Variants in SCFD2 observed in about 807,000 individuals in gnomAD.
The protein encoded by SCFD2 is sec1 family domain-containing protein 2.
SCFD2 carries 54 observed loss-of-function variants against 58.9 expected under a neutral mutation model. The observed-to-expected ratio is 0.92, with a 90% CI of 0.74 to 1.15. The LOEUF (loss-of-function observed/expected upper bound fraction) is 1.15. Ranked by LOEUF, SCFD2 falls within the 50% of genes most tolerant of loss-of-function variation. SCFD2 has a pLI of 0.00. For missense variants in SCFD2, 805 were observed against 836.6 expected (o/e 0.96, Z 0.47); for synonymous variants, 321 against 335.9 (o/e 0.96, Z 0.49).
intron 5 of SCFD2, among the ~76,000 whole-genome samples, chr4:53,022,894 T>C (rs1385288797): frequency 6.6e-6 from 1 of 152,180 alleles, no homozygotes; most frequent in Non-Finnish European, 1.5e-5. Flanking sequence ...GCCTGGCACA[T>C]AGTAAGAGTG....
intron 4 of SCFD2, among the ~76,000 whole-genome samples, chr4:53,150,152 T>C (rs911801930): frequency 2.0e-5 from 3 of 152,070 alleles, no homozygotes; most frequent in Non-Finnish European, 2.9e-5. Flanking sequence ...TCTGTACATC[T>C]AAAGCTATTC....
chr4:52,955,978 T>C (rs545832242), intron 5 of SCFD2: 4 of 445,012 alleles, frequency 9.0e-6, no homozygotes, highest in South Asian at 6.4e-5. Flanking sequence ...TAGGCTGAGA[T>C]ACCTATTGCT....
At chr4:53,224,162 G>A (rs769379728) in intron 4 of SCFD2, among the ~76,000 whole-genome samples, 17 of 152,086 alleles carry the variant, frequency 1.1e-4, no homozygotes, top group East Asian at 1.9e-4. Context: ...AGGCCGAGGC[G>A]GGTGGATCAT....
At chr4:52,962,979 G>A (rs1464968886) in intron 5 of SCFD2, among the ~76,000 whole-genome samples, 1 of 152,128 alleles carries the variant, frequency 6.6e-6, no homozygotes, top group Admixed American at 6.5e-5. Context: ...AGAAAGAAGG[G>A]CCAAGGCCTC....
chr4:53,043,209 A>G (rs1722942371), intron 5 of SCFD2, among the ~76,000 whole-genome samples: 1 of 152,232 alleles, frequency 6.6e-6, no homozygotes, highest in Non-Finnish European at 1.5e-5. Context: ...ATAGCAAATC[A>G]GATGGAACCA....
rs1732477331 is a variant in SCFD2 at position 53,305,262 on chromosome 4, G to A, written c.1135+8374C>T. On this transcript the variant is annotated intron_variant, in intron 3 of 8. Coordinates refer to ENST00000401642, the MANE Select transcript of SCFD2 (RefSeq NM_152540.4). ...GCCTTTTCCCTATGTTCTCTTCTAA[G>A]AGTGTTATGGTTTCACATCTTACAT... is the stretch of plus-strand genomic sequence containing the variant. Among the ~76,000 whole-genome samples, 3 of 152,170 alleles carry A rather than the reference G, an allele frequency of 2.0e-5. No homozygotes were observed. The South Asian group carries it at 6.2e-4, about 32-fold the overall frequency.
At chr4:52,971,631 G>T (rs1288332357) in intron 5 of SCFD2, among the ~76,000 whole-genome samples, 1 of 152,126 alleles carries the variant, frequency 6.6e-6, no homozygotes. Flanking sequence ...ATCTAGCAAG[G>T]CAGGCCAACA....
chr4:53,067,386 A>C (rs1231063085), intron 5 of SCFD2, among the ~76,000 whole-genome samples: 1 of 151,996 alleles, frequency 6.6e-6, no homozygotes, highest in East Asian at 1.9e-4. Context: ...GATCACACCA[A>C]AAGAGTGGCT....
rs1050333435 is a variant in SCFD2, at chr4:52,885,886, C to A, written c.1843-20G>T. On this transcript the variant is annotated intron_variant, in intron 7 of 8. Coordinates refer to ENST00000401642, the MANE Select transcript of SCFD2 (RefSeq NM_152540.4). ...GCTCACCTGCAAAACAAAACACCAG[C>A]AATATCAGATGGATGGCAGTGATGC... is the stretch of plus-strand genomic sequence containing the variant. The A allele has an allele frequency of 6.2e-7, 1 of 1,613,614 alleles. No homozygotes were observed. Among genetic ancestry groups the A allele is most frequent in the East Asian group, 2.2e-5 (1 of 44,868 alleles).
At chr4:53,277,038 T>C (rs1284010408) in intron 3 of SCFD2, among the ~76,000 whole-genome samples, 1 of 152,180 alleles carries the variant, frequency 6.6e-6, no homozygotes, top group African/African-American at 2.4e-5. Context: ...TATTACTGAG[T>C]TGTGAGTGTC....
At chr4:53,315,622 T>C (rs4864747) in intron 2 of SCFD2, among the ~76,000 whole-genome samples, 18,784 of 152,154 alleles carry the variant, frequency 0.12, 1,320 homozygotes, top group East Asian at 0.22. Flanking sequence ...TTAATTTCTC[T>C]AAAGCTCTGC....
intron 3 of SCFD2, among the ~76,000 whole-genome samples, chr4:53,287,269 C>T (rs557447419): frequency 6.6e-5 from 10 of 152,302 alleles, no homozygotes; most frequent in Admixed American, 1.3e-4. Context: ...ACTCCAATCA[C>T]CTGTGCCCTA....
In SCFD2 at chr4:53,242,673, T is replaced by C. The variant is rs147785073; in HGVS notation, c.1311+31153A>G. Among the ~76,000 whole-genome samples, 9 of 152,190 alleles carry C rather than the reference T, an allele frequency of 5.9e-5. No individual in the cohort carries two copies. In the East Asian group the frequency reaches 1.4e-3, roughly 23 times the overall value. On this transcript the variant is annotated intron_variant, in intron 4 of 8. Transcript: ENST00000401642. ...AAATATAATTCAGAATATGAATAGA[T>C]ATAAAGATCAGCAAGATTCAGGAGA...
chr4:53,205,461 A>T (rs1184313094), intron 4 of SCFD2, among the ~76,000 whole-genome samples: 1 of 152,146 alleles, frequency 6.6e-6, no homozygotes, highest in Admixed American at 6.5e-5. Flanking sequence ...GGAATTCCTA[A>T]GATAAAAAGA....
intron 3 of SCFD2, among the ~76,000 whole-genome samples, chr4:53,297,886 A>G (rs2149093738): frequency 6.6e-6 from 1 of 152,244 alleles, no homozygotes; most frequent in Admixed American, 6.5e-5. Context: ...TTTGTCTGTA[A>G]AGAATTTTAT....
chr4:53,066,730 C>G (rs1723673746), intron 5 of SCFD2, among the ~76,000 whole-genome samples: 1 of 152,070 alleles, frequency 6.6e-6, no homozygotes, highest in Admixed American at 6.6e-5. Flanking sequence ...TTCACGCCAA[C>G]TCATCCTTCA....
chr4:53,334,226 T>G (rs1209169784), intron 2 of SCFD2, among the ~76,000 whole-genome samples: 2 of 151,514 alleles, frequency 1.3e-5, no homozygotes, highest in African/African-American at 4.8e-5. Context: ...AGAAATACCA[T>G]TTGACCCAGC....
chr4:53,231,263 T>G (rs1354671309), intron 4 of SCFD2, among the ~76,000 whole-genome samples: 6 of 152,188 alleles, frequency 3.9e-5, no homozygotes, highest in Admixed American at 3.9e-4. Flanking sequence ...CCTTATTATT[T>G]AACTTGCTCG....
At chr4:52,922,050 T>C (rs1415210297) in intron 5 of SCFD2, among the ~76,000 whole-genome samples, 1 of 152,126 alleles carries the variant, frequency 6.6e-6, no homozygotes, top group African/African-American at 2.4e-5. Flanking sequence ...GTGGCTTTCC[T>C]TCCTCCCCCG....
Sources: gnomAD v4.1 joint callset for allele counts (sites outside exome capture counted in the v4.1 genomes callset) on GRCh38, gnomAD v4.1.1 for gene constraint, MANE v1.5 for transcripts, NCBI Gene and HGNC (gene_info 2026-07-23, HGNC 2026-07-21) for gene names.